HPCAL1: variants seen among roughly 807,000 people sequenced by gnomAD.
HPCAL1 encodes hippocalcin-like protein 1.
HPCAL1 carries 8 observed loss-of-function variants against 17.1 expected under a neutral mutation model. That is an observed-to-expected ratio of 0.47 (90% CI 0.27 to 0.84). The LOEUF (loss-of-function observed/expected upper bound fraction) is 0.84. Ranked by LOEUF, HPCAL1 falls within the 40% of genes least tolerant of loss-of-function variation. The pLI is 0.13. For synonymous variants in HPCAL1, 112 were observed against 111.4 expected (o/e 1.01, Z -0.03); for missense variants, 165 against 271.1 (o/e 0.61, Z 2.75).
chr2:10,344,878 C>T lies in HPCAL1; in HGVS notation c.-111+41701C>T, dbSNP rs1665315202. On this transcript the variant is annotated intron_variant, in intron 1 of 4. Transcript: ENST00000307845. This position sits in a 1 kb window ranked among gnomAD's most constrained non-coding sequence, Gnocchi z 4.9. ...CTCTGTGCCTTTCAGTCTCTTTCTG[C>T]CTCTCTCTATGTGTCCGTTTCTCTT... 6.9e-6 allele frequency among the ~76,000 whole-genome samples: 1 copy of T among 144,892 alleles called. No homozygotes were observed. Among genetic ancestry groups the T allele is most frequent in the Non-Finnish European group, 1.5e-5 (1 of 65,930 alleles).
intron 1 of HPCAL1, among the ~76,000 whole-genome samples, chr2:10,338,701 T>A (rs978596560): frequency 2.0e-5 from 3 of 152,116 alleles, no homozygotes; most frequent in Non-Finnish European, 2.9e-5. Context: ...TGACACCACG[T>A]GCGTGGAGGG....
rs767608743 is a variant in HPCAL1, at chr2:10,384,572, G to A, written c.-110-12263G>A. ...GCAAATCCCAGAAAAGTGGAATCTC[G>A]GTGGCAGAGTGGATGAAGGGGAGGT... is the stretch of plus-strand genomic sequence containing the variant. On this transcript the variant is annotated intron_variant, in intron 1 of 4. Transcript: ENST00000307845. This position sits in a 1 kb window ranked among gnomAD's most constrained non-coding sequence, Gnocchi z 4.4. 7.9e-5 allele frequency among the ~76,000 whole-genome samples: 12 copies of A among 151,750 alleles called. No homozygotes were observed. The highest frequency in any genetic ancestry group is 2.4e-4 in the African/African-American group (10 of 41,258).
intron 1 of HPCAL1, among the ~76,000 whole-genome samples, chr2:10,380,049 A>G (rs1282215166): frequency 6.6e-6 from 1 of 151,932 alleles, no homozygotes; most frequent in African/African-American, 2.4e-5. Context: ...AATTAGAACC[A>G]CTTCAGAAAA....
chr2:10,333,682 C>G (rs1313791795), intron 1 of HPCAL1, among the ~76,000 whole-genome samples: 1 of 152,138 alleles, frequency 6.6e-6, no homozygotes, highest in Non-Finnish European at 1.5e-5. Flanking sequence ...TTCTATGTCT[C>G]TTTGGTAAGA....
At chr2:10,340,304 T>G (rs1664998358) in intron 1 of HPCAL1, among the ~76,000 whole-genome samples, 1 of 152,190 alleles carries the variant, frequency 6.6e-6, no homozygotes, top group South Asian at 2.1e-4. Flanking sequence ...TACTGGAGCT[T>G]CTTGGTGTGC....
rs1398536729 is a variant in HPCAL1 at position 10,362,448 on chromosome 2, G to C, written c.-110-34387G>C. Among the ~76,000 whole-genome samples, 2 of 152,142 alleles carry C rather than the reference G, an allele frequency of 1.3e-5. No homozygotes were observed. The highest frequency in any genetic ancestry group is 2.9e-5 in the Non-Finnish European group (2 of 68,016). Reference sequence around the variant, plus strand: ...CCTCCATGTCCTACTCCTGTGGATAGACCCCCCGGAATGCAGGGGGCCGGG... The same window carrying C: ...CCTCCATGTCCTACTCCTGTGGATACACCCCCCGGAATGCAGGGGGCCGGG... On this transcript the variant is annotated intron_variant, in intron 1 of 4. Coordinates refer to ENST00000307845, the MANE Select transcript of HPCAL1 (RefSeq NM_002149.4). This position sits in a 1 kb window ranked among gnomAD's most constrained non-coding sequence, Gnocchi z 5.0.
At chr2:10,423,315 G>A in intron 4 of HPCAL1, 1 of 546,366 alleles carries the variant, frequency 1.8e-6, no homozygotes, top group Non-Finnish European at 3.4e-6. Flanking sequence ...GCATGTTGTG[G>A]CCTCTCTGAG....
intron 1 of HPCAL1, among the ~76,000 whole-genome samples, chr2:10,391,812 G>A (rs1019377940): frequency 2.0e-5 from 3 of 152,176 alleles, no homozygotes; most frequent in Admixed American, 6.5e-5. Context: ...GCAGTGGCAC[G>A]ATCTCAGCTT....
At chr2:10,369,716 A>T (rs1463033163) in intron 1 of HPCAL1, among the ~76,000 whole-genome samples, 1 of 152,224 alleles carries the variant, frequency 6.6e-6, no homozygotes, top group Non-Finnish European at 1.5e-5. Flanking sequence ...TAAGCCAGCT[A>T]ACTTTGTCCA....
In HPCAL1 at chr2:10,331,195, G is replaced by T. The variant is rs1215392144; in HGVS notation, c.-111+28018G>T. On this transcript the variant is annotated intron_variant, in intron 1 of 4. Coordinates refer to ENST00000307845, the MANE Select transcript of HPCAL1 (RefSeq NM_002149.4). This position sits in a 1 kb window ranked among gnomAD's most constrained non-coding sequence, Gnocchi z 5.0. ...CGGGGCGGGCTCTGGGGACAGCCTG[G>T]ACTCTCCTGCCTGCCCCCAGGTGCC... Among the ~76,000 whole-genome samples the T allele has an allele frequency of 3.3e-5, 5 of 152,244 alleles. No homozygotes were observed. The East Asian group carries it at 9.7e-4, about 29-fold the overall frequency.
At chr2:10,317,238 C>T (rs1336347458) in intron 1 of HPCAL1, among the ~76,000 whole-genome samples, 4 of 152,100 alleles carry the variant, frequency 2.6e-5, no homozygotes, top group Admixed American at 1.3e-4. Context: ...ATTTTGTCCT[C>T]GGTTTTGTTT....
In HPCAL1 at chr2:10,331,034, T is replaced by C. The variant is rs12465534; in HGVS notation, c.-111+27857T>C. Among the ~76,000 whole-genome samples the C allele has an allele frequency of 0.19, 29,161 of 152,106 alleles. 2,994 individuals are homozygous for C. The highest frequency in any genetic ancestry group is 0.23 in the Non-Finnish European group (15,719 of 67,968). On this transcript the variant is annotated intron_variant, in intron 1 of 4. Coordinates refer to ENST00000307845, the MANE Select transcript of HPCAL1 (RefSeq NM_002149.4). The surrounding 1 kb of genome is among the most constrained non-coding windows in gnomAD (Gnocchi z 5.0). ...GTTCTCTGTGTCTTGCCATCTTGGCTTCTTCCTCATCCCGCCTCTCGCTCC... is the reference window on the plus strand; with the variant it reads ...GTTCTCTGTGTCTTGCCATCTTGGCCTCTTCCTCATCCCGCCTCTCGCTCC...
intron 2 of HPCAL1, among the ~76,000 whole-genome samples, chr2:10,399,225 A>ACCG (rs1669276738): frequency 1.4e-5 from 2 of 140,122 alleles, no homozygotes; most frequent in Non-Finnish European, 3.1e-5. Flanking sequence ...CACCACCACC[A>ACCG]CCACCACCAC....
chr2:10,416,390 G>T (rs541373012), intron 2 of HPCAL1, among the ~76,000 whole-genome samples: 2 of 152,148 alleles, frequency 1.3e-5, no homozygotes, highest in Non-Finnish European at 2.9e-5. Context: ...TCTGGGATCC[G>T]CCAAGGCAAC....
At chr2:10,332,419 G>A (rs1344843371) in intron 1 of HPCAL1, among the ~76,000 whole-genome samples, 1 of 152,066 alleles carries the variant, frequency 6.6e-6, no homozygotes, top group African/African-American at 2.4e-5. Flanking sequence ...CCGCCCCTCT[G>A]CGGTTCTCAG....
intron 1 of HPCAL1, among the ~76,000 whole-genome samples, chr2:10,378,851 A>T (rs1572759561): frequency 6.6e-6 from 1 of 152,214 alleles, no homozygotes; most frequent in East Asian, 1.9e-4. Flanking sequence ...AGAAACAATT[A>T]TAATGCATAA....
intron 3 of HPCAL1, 66 bp downstream of exon 3, chr2:10,420,201 GC>G: frequency 2.7e-6 from 2 of 742,560 alleles, no homozygotes; most frequent in Non-Finnish European, 4.1e-6. Flanking sequence ...CCAGCCCCCA[GC>G]CCAGGGCTTT....
intron 1 of HPCAL1, among the ~76,000 whole-genome samples, chr2:10,347,573 G>C (rs1199541349): frequency 6.6e-6 from 1 of 152,084 alleles, no homozygotes; most frequent in Non-Finnish European, 1.5e-5. Flanking sequence ...CTGATCTGTG[G>C]GTGTCTGTCC....
intron 1 of HPCAL1, among the ~76,000 whole-genome samples, chr2:10,346,668 G>A (rs1211786651): frequency 6.6e-6 from 1 of 152,210 alleles, no homozygotes; most frequent in Non-Finnish European, 1.5e-5. Flanking sequence ...GATGTGCAAG[G>A]AGAGTGTTTT....
Sources: allele counts gnomAD v4.1 joint callset (sites outside exome capture counted in the v4.1 genomes callset), GRCh38; gene constraint gnomAD v4.1.1; non-coding constraint Gnocchi (gnomAD v3.1); transcripts MANE v1.5; gene names NCBI Gene and HGNC (gene_info 2026-07-23, HGNC 2026-07-21).